The following CACNA1D variants were observed in gnomAD, a reference collection of about 807,000 sequenced individuals.
CACNA1D encodes calcium voltage-gated channel subunit alpha1 D.
A neutral mutation model predicts 257.1 loss-of-function variants in CACNA1D; 55 were observed. That is an observed-to-expected ratio of 0.21 (90% confidence interval 0.17 to 0.27). CACNA1D has a LOEUF of 0.27. CACNA1D is among the 10% of genes least tolerant of loss of function. The pLI, the probability that CACNA1D is intolerant of heterozygous loss-of-function variation, is 1.00. For synonymous variants in CACNA1D, 980 were observed against 1,014.9 expected (o/e 0.97, Z 0.65); for missense variants, 1,876 against 2,784.0 (o/e 0.67, Z 7.34).
intron 3 of CACNA1D, among the ~76,000 whole-genome samples, chr3:53,553,984 C>T (rs2107598642): frequency 6.6e-6 from 1 of 151,930 alleles, no homozygotes; most frequent in East Asian, 1.9e-4. Flanking sequence ...ATCATGAGGT[C>T]AGGAGATGGA....
chr3:53,661,757 G>T (rs1299795233), intron 5 of CACNA1D, among the ~76,000 whole-genome samples: 8 of 152,076 alleles, frequency 5.3e-5, no homozygotes, highest in Non-Finnish European at 8.8e-5. Context: ...CTGCTTCCTT[G>T]GCTAATGAGG....
Position 53,731,166 on chromosome 3 carries a change from T to A in CACNA1D, c.2406+20T>A, listed in dbSNP as rs777520927. The A allele has an allele frequency of 6.5e-7, 1 of 1,533,904 alleles. No individual in the cohort carries two copies. ...AACAAGGTATGTATTCTAAGATGCT[T>A]CTCCCCTTTTTGTTTCAAAATGATC... is the stretch of plus-strand genomic sequence containing the variant. On this transcript the variant is annotated intron_variant, in intron 17 of 47. Transcript: ENST00000350061.
intron 29 of CACNA1D, among the ~76,000 whole-genome samples, chr3:53,758,691 T>C (rs1039631346): frequency 2.0e-5 from 3 of 152,178 alleles, no homozygotes; most frequent in African/African-American, 7.2e-5. Context: ...GTGGCTGACT[T>C]GTTTGGTCTT....
chr3:53,808,510 T>TATG, intron 45 of CACNA1D, 139 bp from the exon 46 acceptor site: 1 of 986,804 alleles, frequency 1.0e-6, no homozygotes, highest in South Asian at 1.3e-5. Context: ...GAGACCTCAC[T>TATG]ACCTAATCTT....
At chr3:53,716,592 G>T (rs199853892) in intron 9 of CACNA1D, among the ~76,000 whole-genome samples, 4 of 144,590 alleles carry the variant, frequency 2.8e-5, no homozygotes, top group African/African-American at 7.7e-5. Context: ...AGTTTTTTTT[G>T]TTTGTTTGTT....
chr3:53,513,232 G>A (rs1326533347), intron 3 of CACNA1D, among the ~76,000 whole-genome samples: 2 of 152,186 alleles, frequency 1.3e-5, no homozygotes, highest in Admixed American at 1.3e-4. Context: ...CAGTTCATCA[G>A]CCAAGATCAA....
chr3:53,618,112 G>T (rs1359536951), intron 3 of CACNA1D, among the ~76,000 whole-genome samples: 1 of 152,162 alleles, frequency 6.6e-6, no homozygotes, highest in African/African-American at 2.4e-5. Flanking sequence ...GGTTGGACCT[G>T]TAGGGACCCG....
At chr3:53,799,657 C>T (rs1391031670) in intron 40 of CACNA1D, among the ~76,000 whole-genome samples, 6 of 152,184 alleles carry the variant, frequency 3.9e-5, no homozygotes, top group Admixed American at 1.3e-4. Context: ...GGTCGGTGTG[C>T]GTGTCAGTCT....
chr3:53,667,489 A>C (rs1454564554), intron 7 of CACNA1D, among the ~76,000 whole-genome samples: 1 of 152,216 alleles, frequency 6.6e-6, no homozygotes, highest in East Asian at 1.9e-4. Flanking sequence ...TTAGTAATAA[A>C]GTAGTTCTGA....
At chr3:53,735,228 T>A (rs1177405761) in intron 19 of CACNA1D, 146 bp from the exon 20 acceptor site, 2 of 820,052 alleles carry the variant, frequency 2.4e-6, no homozygotes, top group East Asian at 4.9e-5. Flanking sequence ...GACAGGTTGC[T>A]CAGGTGTGCC....
intron 3 of CACNA1D, among the ~76,000 whole-genome samples, chr3:53,607,572 G>GT (rs1183872490): frequency 6.6e-6 from 1 of 152,254 alleles, no homozygotes; most frequent in African/African-American, 2.4e-5. Context: ...GACAGCAAGA[G>GT]TGGGGACCTG....
intron 3 of CACNA1D, among the ~76,000 whole-genome samples, chr3:53,592,921 T>C (rs992483166): frequency 6.6e-6 from 1 of 152,192 alleles, no homozygotes; most frequent in African/African-American, 2.4e-5. Flanking sequence ...ACTCCTGACC[T>C]CAGGTGATCT....
At chr3:53,611,886 A>G (rs1474708851) in intron 3 of CACNA1D, among the ~76,000 whole-genome samples, 1 of 152,226 alleles carries the variant, frequency 6.6e-6, no homozygotes, top group Non-Finnish European at 1.5e-5. Context: ...AAACACATGC[A>G]TAGACAATAC....
intron 3 of CACNA1D, among the ~76,000 whole-genome samples, chr3:53,542,423 A>T (rs2092318009): frequency 6.6e-6 from 1 of 151,664 alleles, no homozygotes; most frequent in Non-Finnish European, 1.5e-5. Flanking sequence ...CTACAAAAAT[A>T]AAATAATTAG....
chr3:53,688,823 T>C (rs1024829569), intron 8 of CACNA1D, among the ~76,000 whole-genome samples: 3 of 152,226 alleles, frequency 2.0e-5, no homozygotes, highest in Admixed American at 1.3e-4. Flanking sequence ...AGTTGCCTGC[T>C]GGCAGTTTTG....
At chr3:53,615,996 A>G (rs2093632484) in intron 3 of CACNA1D, among the ~76,000 whole-genome samples, 1 of 152,162 alleles carries the variant, frequency 6.6e-6, no homozygotes, top group Non-Finnish European at 1.5e-5. Context: ...GTGTGACATC[A>G]GGTAAATCCT....
At chr3:53,617,431 C>A (rs2093649510) in intron 3 of CACNA1D, among the ~76,000 whole-genome samples, 1 of 152,178 alleles carries the variant, frequency 6.6e-6, no homozygotes, top group African/African-American at 2.4e-5. Flanking sequence ...GCCTCAGTTT[C>A]CTCATCTGTG....
intron 20 of CACNA1D, among the ~76,000 whole-genome samples, chr3:53,736,262 G>T (rs2095056151): frequency 6.6e-6 from 1 of 152,008 alleles, no homozygotes; most frequent in Non-Finnish European, 1.5e-5. Flanking sequence ...GATCGCTTGG[G>T]CCCAGGAGGT....
At chr3:53,663,524 A>G (rs542675626) in intron 5 of CACNA1D, among the ~76,000 whole-genome samples, 6 of 152,208 alleles carry the variant, frequency 3.9e-5, no homozygotes, top group East Asian at 3.9e-4. Flanking sequence ...GTTCCTCACA[A>G]CCAATCCTAA....
Sources: gnomAD v4.1 joint callset for allele counts (sites outside exome capture counted in the v4.1 genomes callset) on GRCh38, gnomAD v4.1.1 for gene constraint, MANE v1.5 for transcripts, NCBI Gene and HGNC (gene_info 2026-07-23, HGNC 2026-07-21) for gene names.